Variants in DELE1 observed in about 807,000 individuals in gnomAD.
DELE1 encodes the protein death ligand signal enhancer.
A neutral mutation model predicts 59.3 loss-of-function variants in DELE1; 54 were observed. The ratio of observed to expected loss-of-function variants is 0.91; its 90% CI spans 0.73 to 1.14. The LOEUF (loss-of-function observed/expected upper bound fraction) is 1.14. DELE1 is among the 50% of genes most tolerant of loss of function. The pLI, the probability that DELE1 is intolerant of heterozygous loss-of-function variation, is 0.00. For synonymous variants in DELE1, 264 were observed against 259.1 expected, an observed-to-expected ratio of 1.02 and a Z score of -0.18; for missense variants, 636 against 643.9, an observed-to-expected ratio of 0.99 and a Z score of 0.13.
At chr5:141,923,997 G>C (rs766772385) in intron 1 of DELE1, 25 bp downstream of exon 1, 1 of 1,605,768 alleles carries the variant, frequency 6.2e-7, no homozygotes, top group South Asian at 1.1e-5. Context: ...AGCAACCAGC[G>C]TCACTCTGGG....
In DELE1 at chr5:141,940,202, G is replaced by A. The variant is rs1752654477; in HGVS notation, c.*1443G>A. On this transcript the variant is annotated 3_prime_UTR_variant, in exon 12 of 12. Coordinates refer to ENST00000432126, the MANE Select transcript of DELE1 (RefSeq NM_014773.5). The stretch of plus-strand genomic sequence containing the variant: ...GGAAGAGCCAGGGAGACGGGCAGGG[G>A]GAGCTGAAAGCTGAGGCTCCGTCCT... The A allele has an allele frequency of 5.1e-6, 5 of 985,280 alleles. No individual in the cohort carries two copies. Among genetic ancestry groups the A allele is most frequent in the Non-Finnish European group, 6.0e-6 (5 of 829,950 alleles). The allele number at this position is 985,280 out of a possible 1,614,324, so 61.0% of individuals were successfully genotyped here.
chr5:141,939,313 T>A lies in DELE1; in HGVS notation c.*554T>A, dbSNP rs1317028127. ...GCTAACTGTAAAAAAAAATAGTGAA[T>A]CAGTTTAAAGAAAAACATAACGTAA... On this transcript the variant is annotated 3_prime_UTR_variant, in exon 12 of 12. Coordinates refer to ENST00000432126, the MANE Select transcript of DELE1 (RefSeq NM_014773.5). 4.0e-6 allele frequency: 3 copies of A among 752,838 alleles called. No homozygotes were observed. Among genetic ancestry groups the A allele is most frequent in the Non-Finnish European group, 4.9e-6 (3 of 618,012 alleles). The allele number at this position is 752,838 out of a possible 1,614,324, so 46.6% of individuals were successfully genotyped here.
rs1382004507 is a variant in DELE1 at position 141,934,539 on chromosome 5, G to T, written c.1102G>T (p.Asp368Tyr). 2 of 1,614,258 alleles carry T rather than the reference G, an allele frequency of 1.2e-6. No homozygotes were observed. Among genetic ancestry groups the T allele is most frequent in the East Asian group, 4.5e-5 (2 of 44,888 alleles). Residue 368 changes from aspartate (D) to tyrosine (Y), a missense_variant, in exon 10 of 12, where the codon GAT becomes TAT. Physicochemically the swap from Asp to Tyr is radical, Grantham distance 160. Transcript: ENST00000432126. ...GCTTTTCACCAAGGAGCCCTACCTG[G>T]ATGAGCAGAGAGCTGTGAAATATCT... ...GVLFTKEPYLDEQRAVKYLWL... is the reference protein window; with the variant it reads ...GVLFTKEPYLYEQRAVKYLWL...
At position 141,940,986 on chromosome 5, in the gene DELE1, A is replaced by G. The variant is rs1482341570; in HGVS notation, c.*2227A>G. On this transcript the variant is annotated 3_prime_UTR_variant, in exon 12 of 12. Coordinates refer to ENST00000432126, the MANE Select transcript of DELE1 (RefSeq NM_014773.5). Reference sequence around the variant, plus strand: ...TGAGGTTCCAAGAAGTCCTCCAGTAAAGAACTTGGTTAACCCAATGTTTTC... The same window carrying G: ...TGAGGTTCCAAGAAGTCCTCCAGTAGAGAACTTGGTTAACCCAATGTTTTC... 1 of 982,678 alleles carries G rather than the reference A, an allele frequency of 1.0e-6. No homozygotes were observed. Among genetic ancestry groups the G allele is most frequent in the Non-Finnish European group, 1.2e-6 (1 of 827,556 alleles). 60.9% of individuals were successfully genotyped at this position (982,678 alleles called of 1,614,324 possible). A position where few individuals can be genotyped will look rare whatever the true frequency, so the allele number is the denominator to read the frequency against.
In DELE1 at chr5:141,938,659, G is replaced by A. The variant is rs1159908388; in HGVS notation, c.1448G>A (p.Arg483Lys). 6.2e-7 allele frequency: 1 copy of A among 1,614,160 alleles called. No individual in the cohort carries two copies. Residue 483 changes from arginine (R) to lysine (K), a missense_variant, in exon 12 of 12, where the codon AGA (arginine) becomes AAA (lysine). Coordinates refer to ENST00000432126, the MANE Select transcript of DELE1 (RefSeq NM_014773.5). ...SSTGNLGLLCRSGHLGASLEA... is the reference protein window; with the variant it reads ...SSTGNLGLLCKSGHLGASLEA... ...ACAGGCAACCTTGGCCTCCTCTGCAGAAGTGGGCATCTCGGAGCCAGCCTG... is the reference window on the plus strand; with the variant it reads ...ACAGGCAACCTTGGCCTCCTCTGCAAAAGTGGGCATCTCGGAGCCAGCCTG...
intron 3 of DELE1, among the ~76,000 whole-genome samples, chr5:141,926,296 A>T (rs1210308355): frequency 1.3e-5 from 2 of 152,184 alleles, no homozygotes; most frequent in African/African-American, 4.8e-5. Flanking sequence ...CAGGCTCTGA[A>T]ATATTAGGTA....
chr5:141,925,312 C>T, intron 2 of DELE1, 98 bp from the exon 3 acceptor site: 2 of 687,994 alleles, frequency 2.9e-6, no homozygotes, highest in Non-Finnish European at 4.8e-6. Flanking sequence ...CCACCCACCT[C>T]AGCCTCCCAA....
Position 141,929,591 on chromosome 5 carries a change from A to G in DELE1, c.422A>G (p.Gln141Arg), listed in dbSNP as rs1173079281. The part of the protein sequence containing the change: ...PLWHPCSSLR[Q>R]HILPSPDGPA... ...TGCTGGCTCTTTCCAGCACTGCGAC[A>G]ACACATCCTCCCCAGCCCCGATGGC... The change falls in exon 5 of 12, where the codon CAA becomes CGA. Residue 141 changes from glutamine (Q) to arginine (R), a missense_variant. By Grantham distance (43) the Gln-to-Arg change is conservative. Transcript: ENST00000432126. 2 of 1,613,648 alleles carry G rather than the reference A, an allele frequency of 1.2e-6. No individual in the cohort carries two copies. Among genetic ancestry groups the G allele is most frequent in the Non-Finnish European group, 1.7e-6 (2 of 1,179,970 alleles).
At chr5:141,934,904 C>A in intron 10 of DELE1, 1 of 371,508 alleles carries the variant, frequency 2.7e-6, no homozygotes, top group Non-Finnish European at 5.0e-6. Flanking sequence ...TCAACATTTA[C>A]CAGCACACTA....
rs557056753 is a variant in DELE1, at chr5:141,940,223, G to T, written c.*1464G>T. 2.4e-5 allele frequency: 24 copies of T among 985,360 alleles called. No homozygotes were observed. In the East Asian group the frequency reaches 3.4e-4, roughly 14 times the overall value. The allele number at this position is 985,360 out of a possible 1,614,324, so 61.0% of individuals were successfully genotyped here. A position where few individuals can be genotyped will look rare whatever the true frequency, so the allele number is the denominator to read the frequency against. On this transcript the variant is annotated 3_prime_UTR_variant, in exon 12 of 12. Transcript: ENST00000432126. Reference sequence around the variant, plus strand: ...AGGGGGAGCTGAAAGCTGAGGCTCCGTCCTCATCTCTAAACTCTCCACTAA... The same window carrying T: ...AGGGGGAGCTGAAAGCTGAGGCTCCTTCCTCATCTCTAAACTCTCCACTAA...
At chr5:141,936,929 T>C in intron 10 of DELE1, 2 of 1,222,240 alleles carry the variant, frequency 1.6e-6, no homozygotes, top group Non-Finnish European at 2.1e-6. Context: ...TGTGCATGCT[T>C]TCAGCCAGCC....
At chr5:141,937,604 A>G (rs1028378821) in intron 11 of DELE1, among the ~76,000 whole-genome samples, 5 of 148,340 alleles carry the variant, frequency 3.4e-5, no homozygotes, top group Non-Finnish European at 7.4e-5. Context: ...CCCCGTCTCT[A>G]TTAAAAATAT....
Position 141,925,538 on chromosome 5 carries a change from C to T in DELE1, c.264+11C>T. 2 of 1,548,596 alleles carry T rather than the reference C, an allele frequency of 1.3e-6. No homozygotes were observed. The highest frequency in any genetic ancestry group is 1.8e-6 in the Non-Finnish European group (2 of 1,137,214). On this transcript the variant is annotated intron_variant, in intron 3 of 11. Coordinates refer to ENST00000432126, the MANE Select transcript of DELE1 (RefSeq NM_014773.5). Reference sequence around the variant, plus strand: ...GATGCCATATCTTGGGTAAGGCTTCCCCAGCCTGGTCCTTGACCTTCAGTG... The same window carrying T: ...GATGCCATATCTTGGGTAAGGCTTCTCCAGCCTGGTCCTTGACCTTCAGTG...
At chr5:141,934,425 A>G in intron 9 of DELE1, 27 bp downstream of exon 9, 1 of 1,614,204 alleles carries the variant, frequency 6.2e-7, no homozygotes, top group Non-Finnish European at 8.5e-7. Context: ...GGGTCTGTTC[A>G]AGGTCTCTGA....
Position 141,933,924 on chromosome 5 carries a change from C to CCA in DELE1, c.898-316_898-315insCA, listed in dbSNP as rs1752147821. 6 of 193,834 alleles carry CCA rather than the reference C, an allele frequency of 3.1e-5. No individual in the cohort carries two copies. In the South Asian group the frequency reaches 8.1e-4, roughly 26 times the overall value. The allele number at this position is 193,834 out of a possible 1,614,324, so 12.0% of individuals were successfully genotyped here. ...GTCTCTCTCTCTCTCTGCCCCCCCC[C>CCA]ACACATATGTGCGTGCAAATGCGTA... On this transcript the variant is annotated intron_variant, in intron 8 of 11. Transcript: ENST00000432126.
At chr5:141,936,747 T>C (rs1315307271) in intron 10 of DELE1, 4 of 468,972 alleles carry the variant, frequency 8.5e-6, no homozygotes, top group Non-Finnish European at 1.1e-5. Flanking sequence ...CATAGCTTTT[T>C]AAAGGAGAAG....
rs1752707950 is a variant in DELE1 at position 141,941,043 on chromosome 5, C to A, written c.*2284C>A. 2 of 985,332 alleles carry A rather than the reference C, an allele frequency of 2.0e-6. No individual in the cohort carries two copies. The highest frequency in any genetic ancestry group is 2.4e-6 in the Non-Finnish European group (2 of 829,936). The allele number at this position is 985,332 out of a possible 1,614,324, so 61.0% of individuals were successfully genotyped here. On this transcript the variant is annotated 3_prime_UTR_variant, in exon 12 of 12. Coordinates refer to ENST00000432126, the MANE Select transcript of DELE1 (RefSeq NM_014773.5). ...TGAATTGAGCCCAGAGCCCGTTTCC[C>A]TACAGATTGCTTTTGAGCCTTCCTG...
In DELE1 at chr5:141,941,027, C is replaced by G. The variant is rs1011658717; in HGVS notation, c.*2268C>G. 1 of 985,414 alleles carries G rather than the reference C, an allele frequency of 1.0e-6. No individual in the cohort carries two copies. 61.0% of individuals were successfully genotyped at this position (985,414 alleles called of 1,614,324 possible). Reference sequence around the variant, plus strand: ...CAATGTTTTCTCTCACTGAATTGAGCCCAGAGCCCGTTTCCCTACAGATTG... The same window carrying G: ...CAATGTTTTCTCTCACTGAATTGAGGCCAGAGCCCGTTTCCCTACAGATTG... On this transcript the variant is annotated 3_prime_UTR_variant, in exon 12 of 12. Coordinates refer to ENST00000432126, the MANE Select transcript of DELE1 (RefSeq NM_014773.5).
chr5:141,934,994 G>C (rs1261549367), intron 10 of DELE1: 1 of 186,174 alleles, frequency 5.4e-6, no homozygotes, highest in African/African-American at 2.4e-5. Flanking sequence ...TACCTGTCCA[G>C]TACTTCACAG....
Sources: gnomAD v4.1 joint callset for allele counts (sites outside exome capture counted in the v4.1 genomes callset) on GRCh38, gnomAD v4.1.1 for gene constraint, MANE v1.5 for transcripts, NCBI Gene and HGNC (gene_info 2026-07-23, HGNC 2026-07-21) for gene names.